Variants in DAB1 observed in about 807,000 individuals in gnomAD.
DAB1 encodes DAB adaptor protein 1.
Under a neutral mutation model 64.6 loss-of-function variants are expected in DAB1, and 15 were observed. The ratio of observed to expected loss-of-function variants is 0.23; its 90% CI spans 0.16 to 0.36. DAB1 has a LOEUF of 0.36. Ranked by LOEUF, DAB1 falls within the 10% of genes least tolerant of loss-of-function variation. DAB1 has a pLI of 1.00. For missense variants in DAB1, 596 were observed against 706.7 expected (o/e 0.84, Z 1.78); for synonymous variants, 235 against 251.9 (o/e 0.93, Z 0.64).
chr1:57,931,100 T>G lies in DAB1; in HGVS notation n.388-46938A>C, dbSNP rs145152759. 1.9e-4 allele frequency among the ~76,000 whole-genome samples: 29 copies of G among 152,330 alleles called. No homozygotes were observed. The East Asian group carries it at 5.4e-3, about 28-fold the overall frequency. On this transcript the variant is annotated intron_variant and non_coding_transcript_variant, in intron 5 of 20. Coordinates refer to the DAB1 transcript ENST00000485760. ...TGTCAAATGCTTTTTCTGTATTGAT[T>G]AATATGACCATGTAATTTTTCTTCT...
intron 6 of DAB1, among the ~76,000 whole-genome samples, chr1:57,771,218 C>T (rs556835050): frequency 4.6e-5 from 7 of 152,138 alleles, no homozygotes; most frequent in Non-Finnish European, 1.0e-4. Flanking sequence ...CTGATGCTTA[C>T]TGGCTGGCTT....
intron 4 of DAB1, among the ~76,000 whole-genome samples, chr1:58,232,976 AC>A (rs1344239036): frequency 2.0e-5 from 3 of 152,148 alleles, no homozygotes; most frequent in Non-Finnish European, 4.4e-5. Context: ...ACCTGAACAC[AC>A]TCACTGTTTT....
At chr1:57,814,584 C>A (rs2101888634) in intron 6 of DAB1, among the ~76,000 whole-genome samples, 1 of 152,278 alleles carries the variant, frequency 6.6e-6, no homozygotes, top group Non-Finnish European at 1.5e-5. Flanking sequence ...AAATCTGTTT[C>A]CTTCTTGGAA....
intron 1 of DAB1, among the ~76,000 whole-genome samples, chr1:57,411,475 C>T (rs1271550843): frequency 2.0e-5 from 3 of 152,228 alleles, no homozygotes; most frequent in East Asian, 3.8e-4. Flanking sequence ...GTGGTCTATC[C>T]GAAATGCCAG....
At chr1:57,532,165 T>A (rs1170885782) in intron 7 of DAB1, among the ~76,000 whole-genome samples, 2 of 152,148 alleles carry the variant, frequency 1.3e-5, no homozygotes, top group African/African-American at 4.8e-5. Context: ...AACTATCAGG[T>A]AACATTTCTC....
intron 2 of DAB1, among the ~76,000 whole-genome samples, chr1:57,184,506 A>AT (rs1231295729): frequency 6.6e-6 from 1 of 152,170 alleles, no homozygotes; most frequent in Non-Finnish European, 1.5e-5. Flanking sequence ...AAAGCCACAA[A>AT]TCCTTAACCT....
chr1:57,664,634 A>G (rs968162263), intron 6 of DAB1, among the ~76,000 whole-genome samples: 2 of 152,130 alleles, frequency 1.3e-5, no homozygotes. Context: ...TTTAATAATT[A>G]TGGATGTGTC....
At chr1:57,376,431 C>A (rs187602467) in intron 1 of DAB1, among the ~76,000 whole-genome samples, 61 of 152,282 alleles carry the variant, frequency 4.0e-4, no homozygotes, top group Non-Finnish European at 7.5e-4. Context: ...TGTTTCTGAC[C>A]ATACTATTTA....
intron 3 of DAB1, among the ~76,000 whole-genome samples, chr1:58,465,025 A>T (rs1474039318): frequency 1.3e-5 from 2 of 152,214 alleles, no homozygotes; most frequent in Non-Finnish European, 2.9e-5. Flanking sequence ...TAGCTGACAC[A>T]GTGTGAGGCA....
At chr1:57,426,876 T>TATATATATATATATATATATATATATATA (rs1383757354), upstream of DAB1, among the ~76,000 whole-genome samples, 260 of 134,614 alleles carry the variant, frequency 1.9e-3, 6 homozygotes, top group Non-Finnish European at 3.1e-3. Flanking sequence ...ATATATATAT[T>TATATATATATATATATATATATATATATA]TTTTTGAGAC....
At chr1:57,997,686 G>T (rs1386663297) in intron 5 of DAB1, among the ~76,000 whole-genome samples, 1 of 152,108 alleles carries the variant, frequency 6.6e-6, no homozygotes, top group African/African-American at 2.4e-5. Flanking sequence ...AGGGAGAATA[G>T]AAGTGGGGTC....
chr1:57,507,883 T>A (rs1449291237), intron 7 of DAB1, among the ~76,000 whole-genome samples: 3 of 152,206 alleles, frequency 2.0e-5, no homozygotes, highest in Non-Finnish European at 2.9e-5. Context: ...TACTTTTAAA[T>A]CTGATTCCAA....
chr1:57,331,690 A>G (rs1233838302), intron 1 of DAB1, among the ~76,000 whole-genome samples: 1 of 152,214 alleles, frequency 6.6e-6, no homozygotes, highest in Non-Finnish European at 1.5e-5. Flanking sequence ...TTCCTGAGAA[A>G]GGCTTTCTTC....
chr1:57,487,958 A>T (rs1158696802), intron 7 of DAB1, among the ~76,000 whole-genome samples: 1 of 152,220 alleles, frequency 6.6e-6, no homozygotes, highest in Non-Finnish European at 1.5e-5. Context: ...ATAATATTGT[A>T]ATAACCATCC....
intron 7 of DAB1, among the ~76,000 whole-genome samples, chr1:57,637,725 T>C (rs1646074260): frequency 6.6e-6 from 1 of 152,188 alleles, no homozygotes; most frequent in African/African-American, 2.4e-5. Context: ...GCATTAAATG[T>C]TTTTAGTAAG....
At chr1:57,301,538 A>C (rs1558123251) in intron 1 of DAB1, among the ~76,000 whole-genome samples, 1 of 152,210 alleles carries the variant, frequency 6.6e-6, no homozygotes, top group Admixed American at 6.5e-5. Flanking sequence ...TCTAGCAGAG[A>C]GAAAAGACAA....
At position 57,252,148 on chromosome 1, in the gene DAB1, T is replaced by A. The variant is rs117998428; in HGVS notation, c.67+38816A>T. ...ATGGGGAAATTCCATTTATGTCCAA[T>A]GTAAAGATACATTCATTTGCCCTTC... On this transcript the variant is annotated intron_variant, in intron 2 of 14. Coordinates refer to ENST00000371236, the MANE Select transcript of DAB1 (RefSeq NM_001365792.1). Among the ~76,000 whole-genome samples, 169 of 152,360 alleles carry A rather than the reference T, an allele frequency of 1.1e-3. 2 individuals are homozygous for A. In the East Asian group the frequency reaches 0.03, roughly 27 times the overall value.
chr1:57,838,401 G>C (rs1652906450), intron 1 of DAB1, among the ~76,000 whole-genome samples: 1 of 151,856 alleles, frequency 6.6e-6, no homozygotes, highest in Admixed American at 6.6e-5. Flanking sequence ...TTTTCATCTT[G>C]AGTTTTAAAA....
intron 7 of DAB1, among the ~76,000 whole-genome samples, chr1:57,524,616 A>T (rs1458261385): frequency 1.3e-5 from 2 of 152,158 alleles, no homozygotes; most frequent in African/African-American, 4.8e-5. Flanking sequence ...GGGTGGGGAG[A>T]ATTACAAAGA....
Sources: allele counts gnomAD v4.1 joint callset (sites outside exome capture counted in the v4.1 genomes callset), GRCh38; gene constraint gnomAD v4.1.1; transcripts MANE v1.5; gene names NCBI Gene and HGNC (gene_info 2026-07-23, HGNC 2026-07-21).